The following WNK1 variants were observed in gnomAD, a reference collection of about 807,000 sequenced individuals.
WNK1 encodes the protein serine/threonine-protein kinase WNK1.
A neutral mutation model predicts 222.8 loss-of-function variants in WNK1; 38 were observed. The ratio of observed to expected loss-of-function variants is 0.17; its 90% CI spans 0.13 to 0.22. WNK1 has a LOEUF of 0.22. Among genes scored for constraint, WNK1 ranks in the 10% least tolerant of loss-of-function variants. The probability of loss-of-function intolerance (pLI) is 1.00; values close to 1 mark genes in which losing one functional copy is unlikely to be tolerated. For synonymous variants in WNK1, 1,090 were observed against 1,092.9 expected (o/e 1.00, Z 0.05); for missense variants, 2,348 against 2,918.4 (o/e 0.80, Z 4.50).
At chr12:901,835 C>A (rs1166064846) in intron 26 of WNK1, among the ~76,000 whole-genome samples, 3 of 152,120 alleles carry the variant, frequency 2.0e-5, no homozygotes, top group African/African-American at 7.2e-5. Context: ...GTCAAAATAA[C>A]AAGTTATCTA....
chr12:820,285 TA>T (rs1947736756), intron 2 of WNK1, among the ~76,000 whole-genome samples: 1 of 152,200 alleles, frequency 6.6e-6, no homozygotes, highest in Non-Finnish European at 1.5e-5. Context: ...CATCCTTGGT[TA>T]AATTTATTCC....
chr12:859,170 G>T, intron 5 of WNK1, 75 bp from the exon 6 acceptor site: 1 of 1,264,520 alleles, frequency 7.9e-7, no homozygotes, highest in Non-Finnish European at 1.1e-6. Context: ...ACAATAATTG[G>T]CCACATTTGA....
chr12:911,023 T>TATC lies in WNK1; in HGVS notation c.*2234_*2236dup, dbSNP rs988599128. 1.6e-5 allele frequency: 5 copies of TATC among 312,086 alleles called. No homozygotes were observed. Among genetic ancestry groups the TATC allele is most frequent in the East Asian group, 5.0e-5 (1 of 19,810 alleles). 19.3% of individuals were successfully genotyped at this position (312,086 alleles called of 1,614,324 possible). ...AGCAGTGGAGCCTCATGCAGCACAT[T>TATC]ATCATTTGTTATTTGGGTTTAATAA... is the stretch of plus-strand genomic sequence containing the variant. On this transcript the variant is annotated 3_prime_UTR_variant, in exon 28 of 28. Transcript: ENST00000315939.
chr12:883,544 T>C lies in WNK1; in HGVS notation c.3639T>C (p.Asp1213=). 6.2e-7 allele frequency: 1 copy of C among 1,614,178 alleles called. No individual in the cohort carries two copies. The highest frequency in any genetic ancestry group is 8.5e-7 in the Non-Finnish European group (1 of 1,180,018). The change falls in exon 16 of 28, where the codon GAT becomes GAC. Residue 1213 remains aspartate, a synonymous_variant. Coordinates refer to ENST00000315939, the MANE Select transcript of WNK1 (RefSeq NM_018979.4). ...GATTGGAGAGTCTACAAGGAAAGGATGACTATGGCTTTTCAGGTTCTCAGG... is the reference window on the plus strand; with the variant it reads ...GATTGGAGAGTCTACAAGGAAAGGACGACTATGGCTTTTCAGGTTCTCAGG... The part of the protein sequence containing the change: ...DQGLESLQGK[D]DYGFSGSQKL...
Position 859,248 on chromosome 12 carries a change from T to C in WNK1, c.1404T>C (p.Tyr468=). The C allele has an allele frequency of 1.9e-6, 3 of 1,611,418 alleles. No homozygotes were observed. Among genetic ancestry groups the C allele is most frequent in the East Asian group, 2.2e-5 (1 of 44,792 alleles). ...TTCTTTTCCCTCTGTTTGGAAGATA[T>C]TCCATCAAAGACCTTTTGAACCATG... is the stretch of plus-strand genomic sequence containing the variant. ...GCIRQNKDER[Y]SIKDLLNHAF... is the part of the protein sequence containing the mutation. The change falls in exon 6 of 28, where the codon TAT becomes TAC. Residue 468 remains tyrosine, a synonymous_variant. Transcript: ENST00000315939.
At chr12:812,625 G>C (rs1422385424) in intron 1 of WNK1, among the ~76,000 whole-genome samples, 1 of 152,114 alleles carries the variant, frequency 6.6e-6, no homozygotes, top group Non-Finnish European at 1.5e-5. Flanking sequence ...GGTACTTTTG[G>C]CGACAGAGTG....
intron 27 of WNK1, 135 bp downstream of exon 27, chr12:908,169 TC>T: frequency 8.6e-7 from 1 of 1,158,424 alleles, no homozygotes. Flanking sequence ...AAGGCAAAAA[TC>T]CCCCAGGTAC....
chr12:822,646 C>T (rs968458767), intron 2 of WNK1, among the ~76,000 whole-genome samples: 1 of 152,108 alleles, frequency 6.6e-6, no homozygotes, highest in Non-Finnish European at 1.5e-5. Flanking sequence ...AATCTCTGAT[C>T]CTATACAGCC....
At chr12:825,526 A>G (rs759929600) in intron 2 of WNK1, among the ~76,000 whole-genome samples, 2 of 152,188 alleles carry the variant, frequency 1.3e-5, no homozygotes, top group Non-Finnish European at 2.9e-5. Flanking sequence ...TATCTTATAC[A>G]AGTACAAGAT....
Position 885,749 on chromosome 12 carries a change from A to G in WNK1, c.4945A>G (p.Ile1649Val). 2 of 1,614,218 alleles carry G rather than the reference A, an allele frequency of 1.2e-6. No homozygotes were observed. Among genetic ancestry groups the G allele is most frequent in the Non-Finnish European group, 1.7e-6 (2 of 1,180,038 alleles). The part of the protein sequence containing the change: ...DSDTQPKAPG[I>V]DDIKTLEEKL... ...TGATACACAACCCAAAGCTCCTGGA[A>G]TTGATGACATAAAGACTCTAGAAGA... Residue 1649 changes from isoleucine (I) to valine (V), a missense_variant, in exon 19 of 28, where the codon ATT (isoleucine) becomes GTT (valine). Physicochemically the swap from Ile to Val is conservative, Grantham distance 29. Coordinates refer to ENST00000315939, the MANE Select transcript of WNK1 (RefSeq NM_018979.4).
Position 883,399 on chromosome 12 carries a change from A to G in WNK1, c.3494A>G (p.Asn1165Ser), listed in dbSNP as rs1953357482. The change falls in exon 16 of 28, where the codon AAC becomes AGC. Residue 1165 changes from asparagine (N) to serine (S), a missense_variant. By Grantham distance (46) the Asn-to-Ser change is conservative. Transcript: ENST00000315939. ...GACATCACATTTCTTTTACAGGTGA[A>G]CAATGACTTTATTCTAGCAATAGAG... ...NPEEIATIMV[N>S]NDFILAIERE... The G allele has an allele frequency of 6.2e-7, 1 of 1,614,206 alleles. No homozygotes were observed. Among genetic ancestry groups the G allele is most frequent in the Non-Finnish European group, 8.5e-7 (1 of 1,180,032 alleles).
chr12:807,188 G>T (rs1452758221), intron 1 of WNK1, among the ~76,000 whole-genome samples: 1 of 152,096 alleles, frequency 6.6e-6, no homozygotes, highest in Non-Finnish European at 1.5e-5. Flanking sequence ...GCTGGGTGTG[G>T]TGGTTAATGC....
At chr12:762,573 T>C (rs1283255073) in intron 1 of WNK1, among the ~76,000 whole-genome samples, 3 of 147,318 alleles carry the variant, frequency 2.0e-5, no homozygotes, top group East Asian at 1.9e-4. Flanking sequence ...ACTGTTCTTA[T>C]GTGTAGAAAG....
chr12:781,627 C>G (rs1275498836), intron 1 of WNK1, among the ~76,000 whole-genome samples: 1 of 152,114 alleles, frequency 6.6e-6, no homozygotes, highest in Non-Finnish European at 1.5e-5. Context: ...TATTTGGTCT[C>G]TTATTAATAG....
chr12:845,275 C>T (rs1949949868), intron 4 of WNK1, among the ~76,000 whole-genome samples: 1 of 152,172 alleles, frequency 6.6e-6, no homozygotes, highest in African/African-American at 2.4e-5. Context: ...TAGTGTCTGT[C>T]TGCTTAACTA....
In WNK1 at chr12:754,124, G is replaced by T; in HGVS notation, c.559G>T (p.Gly187Cys). The T allele has an allele frequency of 6.2e-7, 1 of 1,611,162 alleles. No homozygotes were observed. ...EPPPARSGSG[G>C]GSAKEPQEER... is the part of the protein sequence containing the mutation. ...GCCGCCGGCGAGAAGTGGCAGCGGC[G>T]GCGGCAGCGCCAAGGAGCCACAGGA... Residue 187 changes from glycine to cysteine, a missense_variant, in exon 1 of 28, where the codon GGC becomes TGC. Around this residue, in one of 13 missense-constraint regions of WNK1, gnomAD observed 185 missense variants for 159.2 expected, o/e 1.16. Coordinates refer to ENST00000315939, the MANE Select transcript of WNK1 (RefSeq NM_018979.4).
intron 8 of WNK1, among the ~76,000 whole-genome samples, chr12:867,120 CA>C (rs1022761424): frequency 1.3e-5 from 2 of 150,260 alleles, no homozygotes; most frequent in East Asian, 3.9e-4. Flanking sequence ...GACTCCATCT[CA>C]AAAAAAAGAA....
At chr12:836,876 C>T (rs1177292747) in intron 4 of WNK1, among the ~76,000 whole-genome samples, 1 of 151,994 alleles carries the variant, frequency 6.6e-6, no homozygotes, top group East Asian at 1.9e-4. Context: ...CATAACGTGC[C>T]AAGTCAGAGT....
intron 1 of WNK1, among the ~76,000 whole-genome samples, chr12:782,902 CTTTTTTTT>C (rs552829869): frequency 6.8e-6 from 1 of 146,554 alleles, no homozygotes; most frequent in African/African-American, 2.5e-5. Flanking sequence ...AACATAGTTT[CTTTTTTTT>C]TTTCTGAGAC....
Sources: gnomAD v4.1 joint callset for allele counts (sites outside exome capture counted in the v4.1 genomes callset) on GRCh38, gnomAD v4.1.1 for gene constraint, gnomAD v4.1.1 regional missense constraint, MANE v1.5 for transcripts, NCBI Gene and HGNC (gene_info 2026-07-23, HGNC 2026-07-21) for gene names.